The following IMPA1 variants were observed in gnomAD, a reference collection of about 807,000 sequenced individuals.
IMPA1 encodes the protein D-galactose 1-phosphate phosphatase.
IMPA1 carries 21 observed loss-of-function variants against 34.9 expected under a neutral mutation model. That is an observed-to-expected ratio of 0.60 (90% CI 0.43 to 0.87). The LOEUF is 0.87. Among genes scored for constraint, IMPA1 ranks in the 40% least tolerant of loss-of-function variants. The pLI is 0.00. For synonymous variants in IMPA1, 95 were observed against 104.4 expected, an observed-to-expected ratio of 0.91 and a Z score of 0.55; for missense variants, 299 against 336.4, an observed-to-expected ratio of 0.89 and a Z score of 0.87.
At chr8:81,661,982 C>T (rs1314840852) in intron 7 of IMPA1, among the ~76,000 whole-genome samples, 2 of 152,072 alleles carry the variant, frequency 1.3e-5, no homozygotes, top group East Asian at 3.9e-4. Context: ...ACTAATGTGG[C>T]ATTTGTTTTA....
chr8:81,682,211 A>C (rs764742030), intron 1 of IMPA1, among the ~76,000 whole-genome samples: 10 of 152,172 alleles, frequency 6.6e-5, no homozygotes, highest in Non-Finnish European at 1.3e-4. Flanking sequence ...GGGAAAAAAA[A>C]ACCCAACATA....
At chr8:81,665,938 C>A (rs11990164) in intron 7 of IMPA1, among the ~76,000 whole-genome samples, 1,776 of 152,272 alleles carry the variant, frequency 0.012, 28 homozygotes, top group African/African-American at 0.04. Context: ...CATGTGCCCT[C>A]CCCCAAGGAA....
At chr8:81,666,966 T>C (rs973582631) in intron 7 of IMPA1, among the ~76,000 whole-genome samples, 3 of 149,918 alleles carry the variant, frequency 2.0e-5, no homozygotes, top group African/African-American at 7.4e-5. Context: ...AAAGAATACG[T>C]AAAAATTACA....
At position 81,676,280 on chromosome 8, in the gene IMPA1, C is replaced by A. The variant is rs1337678242; in HGVS notation, c.303-1G>T. ...AATTGAAACAGCTACAAAAGGAAAT[C>A]TTTTTTTAAAAAAAAGGACAAAATA... On this transcript the variant is annotated splice_acceptor_variant, in intron 4 of 8. Coordinates refer to ENST00000256108, the MANE Select transcript of IMPA1 (RefSeq NM_005536.4). LOFTEE classifies it high-confidence loss of function. 2 of 1,306,074 alleles carry A rather than the reference C, an allele frequency of 1.5e-6. No individual in the cohort carries two copies. The highest frequency in any genetic ancestry group is 1.5e-5 in the South Asian group (1 of 66,160). 80.9% of individuals were successfully genotyped at this position (1,306,074 alleles called of 1,614,324 possible).
chr8:81,683,500 T>C (rs555588862), intron 1 of IMPA1, among the ~76,000 whole-genome samples: 1 of 152,236 alleles, frequency 6.6e-6, no homozygotes, highest in African/African-American at 2.4e-5. Flanking sequence ...AGAGTTCAGA[T>C]TTCCTCTGAA....
intron 7 of IMPA1, among the ~76,000 whole-genome samples, chr8:81,666,054 G>A (rs180902500): frequency 4.6e-5 from 7 of 152,284 alleles, no homozygotes; most frequent in Admixed American, 1.3e-4. Context: ...ATCAAAAAGC[G>A]GGGTCATGGG....
chr8:81,685,141 A>G (rs1280210990), intron 1 of IMPA1, among the ~76,000 whole-genome samples: 1 of 135,020 alleles, frequency 7.4e-6, no homozygotes, highest in Non-Finnish European at 1.5e-5. Context: ...GATACTATAT[A>G]TAGTATATAT....
intron 7 of IMPA1, among the ~76,000 whole-genome samples, chr8:81,665,265 A>G (rs1806789901): frequency 6.6e-6 from 1 of 152,314 alleles, no homozygotes; most frequent in African/African-American, 2.4e-5. Context: ...AAAATGTTAC[A>G]TCAGCGATAT....
At chr8:81,672,541 C>A (rs1348460618) in intron 6 of IMPA1, among the ~76,000 whole-genome samples, 3 of 152,164 alleles carry the variant, frequency 2.0e-5, no homozygotes, top group African/African-American at 2.4e-5. Context: ...ATGAGAATTC[C>A]TGAGTACAAC....
At chr8:81,667,883 A>G (rs1458293908) in intron 7 of IMPA1, among the ~76,000 whole-genome samples, 4 of 149,996 alleles carry the variant, frequency 2.7e-5, no homozygotes, top group Admixed American at 6.6e-5. Context: ...GAGTGCAGTG[A>G]CACGATCTCG....
chr8:81,674,066 A>C, intron 5 of IMPA1, 117 bp from the exon 6 acceptor site: 1 of 636,028 alleles, frequency 1.6e-6, no homozygotes, highest in East Asian at 2.7e-5. Context: ...GAAATGGCTA[A>C]ACTGTGGGAT....
intron 7 of IMPA1, among the ~76,000 whole-genome samples, chr8:81,667,972 C>T (rs901853375): frequency 1.3e-5 from 2 of 151,918 alleles, no homozygotes; most frequent in Non-Finnish European, 2.9e-5. Flanking sequence ...TACAAGCGCC[C>T]GCCACCACGC....
At chr8:81,672,985 G>A (rs1807032322) in intron 6 of IMPA1, among the ~76,000 whole-genome samples, 1 of 152,202 alleles carries the variant, frequency 6.6e-6, no homozygotes, top group African/African-American at 2.4e-5. Context: ...TAAGCCAAGG[G>A]AAAAGTCAAG....
intron 7 of IMPA1, among the ~76,000 whole-genome samples, chr8:81,667,532 T>C (rs575110570): frequency 1.3e-5 from 2 of 151,894 alleles, no homozygotes; most frequent in African/African-American, 2.4e-5. Flanking sequence ...AAATGGGTAA[T>C]AGGTAGAAGA....
At chr8:81,673,641 G>A (rs1017808348) in intron 6 of IMPA1, among the ~76,000 whole-genome samples, 200 bp downstream of exon 6, 4 of 152,064 alleles carry the variant, frequency 2.6e-5, no homozygotes, top group Non-Finnish European at 4.4e-5. Context: ...ATACAATGCT[G>A]AGCCTGAAGT....
rs115452355 is a variant in IMPA1, at chr8:81,660,180, G to C, written c.718+336C>G. ...ATGTTTTAAGAAAGTTTACAAAGTT[G>C]TGTTGGGCCACATTCAAAGCCATCC... On this transcript the variant is annotated intron_variant, in intron 8 of 8. Coordinates refer to ENST00000256108, the MANE Select transcript of IMPA1 (RefSeq NM_005536.4). Among the ~76,000 whole-genome samples, 1,270 of 152,230 alleles carry C rather than the reference G, an allele frequency of 8.3e-3. 18 individuals carry two copies. The highest frequency in any genetic ancestry group is 0.029 in the African/African-American group (1,199 of 41,530).
rs374177106 is a variant in IMPA1 at position 81,671,038 on chromosome 8, T to G, written c.467A>C (p.Lys156Thr). The G allele has an allele frequency of 6.8e-7, 1 of 1,480,490 alleles. No individual in the cohort carries two copies. The highest frequency in any genetic ancestry group is 9.0e-7 in the Non-Finnish European group (1 of 1,115,040). 91.7% of individuals were successfully genotyped at this position (1,480,490 alleles called of 1,614,324 possible). The change falls in exon 7 of 9, where the codon AAA (lysine) becomes ACA (threonine). Residue 156 changes from lysine (K) to threonine (T), a missense_variant. Physicochemically the swap from Lys to Thr is moderately conservative, Grantham distance 78. Coordinates refer to ENST00000256108, the MANE Select transcript of IMPA1 (RefSeq NM_005536.4). Reference protein sequence around the residue: ...LQVSQQEDITKSLLVTELGSS... With the variant: ...LQVSQQEDITTSLLVTELGSS... ...GCCCAACTCAGTCACCAAGAGAGAT[T>G]TGGTAATATCTAAAAAGAAAGTGTT... is the stretch of plus-strand genomic sequence containing the variant.
At chr8:81,669,676 A>C (rs1039880246) in intron 7 of IMPA1, among the ~76,000 whole-genome samples, 1 of 152,234 alleles carries the variant, frequency 6.6e-6, no homozygotes, top group African/African-American at 2.4e-5. Flanking sequence ...AGTTCATGAT[A>C]GAACAAGTGA....
At chr8:81,674,216 C>T in intron 5 of IMPA1, 1 of 333,652 alleles carries the variant, frequency 3.0e-6, no homozygotes, top group South Asian at 6.3e-5. Context: ...CAGGGCTTTC[C>T]TATTTTCTAA....
Sources: gnomAD v4.1 joint callset for allele counts (sites outside exome capture counted in the v4.1 genomes callset) on GRCh38, gnomAD v4.1.1 for gene constraint, MANE v1.5 for transcripts, NCBI Gene and HGNC (gene_info 2026-07-23, HGNC 2026-07-21) for gene names.